ZFYVE19: variants seen among roughly 807,000 people sequenced by gnomAD.
ZFYVE19 encodes abscission/NoCut checkpoint regulator.
ZFYVE19 carries 49 observed loss-of-function variants against 62.8 expected under a neutral mutation model. The observed-to-expected ratio is 0.78, with a 90% CI of 0.62 to 0.99. ZFYVE19 has a LOEUF of 0.99. Among genes scored for constraint, ZFYVE19 ranks in the 50% least tolerant of loss-of-function variants. The pLI is 0.00. For missense variants in ZFYVE19, 630 were observed against 601.9 expected, an observed-to-expected ratio of 1.05 and a Z score of -0.49; for synonymous variants, 242 against 234.3, an observed-to-expected ratio of 1.03 and a Z score of -0.30.
At chr15:40,809,003 C>T (rs1425406669) in intron 1 of ZFYVE19, 116 bp from the exon 2 acceptor site, 5 of 1,495,614 alleles carry the variant, frequency 3.3e-6, no homozygotes, top group Non-Finnish European at 4.5e-6. Context: ...CCTCTTCTTC[C>T]TCCCAGCAGC....
intron 6 of ZFYVE19, 108 bp from the exon 7 acceptor site, chr15:40,812,591 A>AAG (rs78854020): frequency 0.35 from 120,628 of 346,090 alleles, 14,028 homozygotes; most frequent in East Asian, 0.63. Flanking sequence ...GAAAGAAAGA[A>AAG]AAAATTATTA....
Position 40,809,163 on chromosome 15 carries a change from A to G in ZFYVE19, c.324A>G (p.Leu108=). Residue 108 remains leucine (L), a synonymous_variant, in exon 2 of 11, where the codon CTA becomes CTG. Transcript: ENST00000355341. ...GCAGGGCCTTCTGTTCAGGCTGCCT[A>G]AGCTTCAGTGCAGCAGTGCCTCGGA... is the stretch of plus-strand genomic sequence containing the variant. ...NCGRAFCSGC[L]SFSAAVPRTG... 1 of 1,614,160 alleles carries G rather than the reference A, an allele frequency of 6.2e-7. No homozygotes were observed. Among genetic ancestry groups the G allele is most frequent in the Non-Finnish European group, 8.5e-7 (1 of 1,180,026 alleles).
Position 40,814,021 on chromosome 15 carries a change from C to A in ZFYVE19, c.1288C>A (p.Leu430Ile). Residue 430 changes from leucine to isoleucine, a missense_variant, in exon 10 of 11, where the codon CTA becomes ATA. Physicochemically the swap from Leu to Ile is conservative, Grantham distance 5. Transcript: ENST00000355341. ...CTGCATCTGCAATGAGGATGCCACCCTACGCTGCGCTGGCTGCGATGGGGA... is the reference window on the plus strand; with the variant it reads ...CTGCATCTGCAATGAGGATGCCACCATACGCTGCGCTGGCTGCGATGGGGA... Reference protein sequence around the residue: ...WCCICNEDATLRCAGCDGDLF... With the variant: ...WCCICNEDATIRCAGCDGDLF... 1 of 1,614,024 alleles carries A rather than the reference C, an allele frequency of 6.2e-7. No homozygotes were observed. The highest frequency in any genetic ancestry group is 8.5e-7 in the Non-Finnish European group (1 of 1,179,936).
At chr15:40,808,960 T>C in intron 1 of ZFYVE19, 159 bp from the exon 2 acceptor site, 1 of 864,102 alleles carries the variant, frequency 1.2e-6, no homozygotes, top group Non-Finnish European at 1.8e-6. Flanking sequence ...GGAATTGCTT[T>C]ACTCACCATC....
At chr15:40,813,314 T>C (rs1405327392) in intron 7 of ZFYVE19, 24 bp from the exon 8 acceptor site, 2 of 1,610,258 alleles carry the variant, frequency 1.2e-6, no homozygotes, top group Admixed American at 3.3e-5. Context: ...CCCCATCCCC[T>C]GTTCCCATGT....
Position 40,807,807 on chromosome 15 carries a change from G to A in ZFYVE19, c.218G>A (p.Gly73Glu). Residue 73 changes from glycine to glutamate, a missense_variant, in exon 1 of 11, where the codon GGA (glycine) becomes GAA (glutamate). Gly to Glu is a moderately conservative substitution (Grantham distance 98, BLOSUM62 -2). Transcript: ENST00000355341. ...AGCTCTGCAGACCCTGCGGTGCTGGGAGCCACCATGGAGAGTAGGTGCTAC... is the reference window on the plus strand; with the variant it reads ...AGCTCTGCAGACCCTGCGGTGCTGGAAGCCACCATGGAGAGTAGGTGCTAC... ...DLSSADPAVL[G>E]ATMESRCYGC... 1.3e-6 allele frequency: 2 copies of A among 1,554,736 alleles called. No individual in the cohort carries two copies. Among genetic ancestry groups the A allele is most frequent in the African/African-American group, 1.4e-5 (1 of 73,882 alleles).
intron 3 of ZFYVE19, 22 bp from the exon 4 acceptor site, chr15:40,809,830 C>G: frequency 6.2e-7 from 1 of 1,611,522 alleles, no homozygotes; most frequent in Non-Finnish European, 8.5e-7. Context: ...TCTTCAAGAG[C>G]CTCTATCTCA....
chr15:40,810,866 AC>A, intron 6 of ZFYVE19, 109 bp downstream of exon 6: 7 of 1,391,586 alleles, frequency 5.0e-6, no homozygotes, highest in Non-Finnish European at 6.8e-6. Context: ...AGAGTGATCA[AC>A]GTTATAAGAG....
At chr15:40,808,177 C>T in intron 1 of ZFYVE19, 1 of 1,477,278 alleles carries the variant, frequency 6.8e-7, no homozygotes, top group Non-Finnish European at 9.0e-7. Context: ...CTTCTCTCCA[C>T]CCTGCTCCTC....
rs190799376 is a variant in ZFYVE19 at position 40,809,968 on chromosome 15, C to T, written c.569C>T (p.Pro190Leu). Residue 190 changes from proline (P) to leucine (L), a missense_variant and splice_region_variant, in exon 4 of 11, where the codon CCC becomes CTC. Physicochemically the swap from Pro to Leu is moderately conservative, Grantham distance 98. Coordinates refer to ENST00000355341, the MANE Select transcript of ZFYVE19 (RefSeq NM_001077268.2). ...RLARLRQENK[P>L]KLVPSQAEIE... Reference sequence around the variant, plus strand: ...GCACGACTCCGCCAGGAGAACAAGCCCAGTGAGCAGGGGCAGATGGGGTTG... The same window carrying T: ...GCACGACTCCGCCAGGAGAACAAGCTCAGTGAGCAGGGGCAGATGGGGTTG... 2,883 of 1,614,192 alleles carry T rather than the reference C, an allele frequency of 1.8e-3. 6 individuals are homozygous for T. The highest frequency in any genetic ancestry group is 2.3e-3 in the South Asian group (212 of 91,090).
intron 6 of ZFYVE19, among the ~76,000 whole-genome samples, chr15:40,812,134 A>G (rs531702262): frequency 9.8e-5 from 15 of 152,372 alleles, no homozygotes; most frequent in Non-Finnish European, 2.1e-4. Flanking sequence ...GTGGTTGGAA[A>G]AGACATGGGT....
chr15:40,807,746 G>C lies in ZFYVE19; in HGVS notation c.157G>C (p.Gly53Arg). 3.1e-5 allele frequency: 49 copies of C among 1,592,254 alleles called. No individual in the cohort carries two copies. Among genetic ancestry groups the C allele is most frequent in the Non-Finnish European group, 4.2e-5 (49 of 1,172,314 alleles). ...AAGGGAAGGGCGGAGCTGGGGTGAG[G>C]GTCCAAGGGGCCCAGGACTTGGCCG... is the stretch of plus-strand genomic sequence containing the variant. ...QGREGRSWGEGPRGPGLGRRD... is the reference protein window; with the variant it reads ...QGREGRSWGERPRGPGLGRRD... Residue 53 changes from glycine to arginine, a missense_variant, in exon 1 of 11, where the codon GGT becomes CGT. By Grantham distance (125) the Gly-to-Arg change is moderately radical. Coordinates refer to ENST00000355341, the MANE Select transcript of ZFYVE19 (RefSeq NM_001077268.2).
rs777695175 is a variant in ZFYVE19 at position 40,809,251 on chromosome 15, G to A, written c.401+11G>A. 3 of 1,613,806 alleles carry A rather than the reference G, an allele frequency of 1.9e-6. No homozygotes were observed. The African/African-American group carries it at 4.0e-5, about 22-fold the overall frequency. On this transcript the variant is annotated intron_variant, in intron 2 of 10. Transcript: ENST00000355341. ...TGAGGTCCTGACCAGGTAAGAGGCA[G>A]GCATGGGTGAAAGTTCAGCCAAGTA...
At chr15:40,812,654 G>T (rs750150244) in intron 6 of ZFYVE19, 45 bp from the exon 7 acceptor site, 2 of 1,507,264 alleles carry the variant, frequency 1.3e-6, no homozygotes, top group Non-Finnish European at 1.8e-6. Flanking sequence ...TCTGAGGAGA[G>T]ATACTGGGAT....
At chr15:40,810,418 T>C (rs567638380) in intron 5 of ZFYVE19, among the ~76,000 whole-genome samples, 8 of 152,196 alleles carry the variant, frequency 5.3e-5, no homozygotes, top group Non-Finnish European at 1.2e-4. Context: ...CCCTACCTCC[T>C]GATCCTCAGG....
intron 6 of ZFYVE19, chr15:40,811,034 G>A (rs1456979254): frequency 5.3e-6 from 2 of 380,172 alleles, no homozygotes; most frequent in Non-Finnish European, 9.8e-6. Flanking sequence ...TTCCTCATGT[G>A]TAAAATGAAG....
Position 40,814,133 on chromosome 15 carries a change from C to T in ZFYVE19, c.1338-15C>T, listed in dbSNP as rs770957073. The T allele has an allele frequency of 1.9e-6, 3 of 1,614,072 alleles. No homozygotes were observed. In the African/African-American group the frequency reaches 4.0e-5, roughly 22 times the overall value. ...GGCTGCCTGGATCCCTGACTTGTAT[C>T]CCTTTGTTCCACAGAGAGGGCCATG... On this transcript the variant is annotated splice_polypyrimidine_tract_variant and intron_variant, in intron 10 of 10. Coordinates refer to ENST00000355341, the MANE Select transcript of ZFYVE19 (RefSeq NM_001077268.2).
At chr15:40,808,648 T>C (rs527951293) in intron 1 of ZFYVE19, 1 of 376,004 alleles carries the variant, frequency 2.7e-6, no homozygotes, top group South Asian at 2.9e-5. Flanking sequence ...TTGTAAGGAA[T>C]AAATCACATG....
intron 6 of ZFYVE19, 22 bp from the exon 7 acceptor site, chr15:40,812,677 C>T (rs1890532899): frequency 2.5e-6 from 4 of 1,599,684 alleles, no homozygotes; most frequent in Non-Finnish European, 3.4e-6. Context: ...CTCGGCCTTG[C>T]TGATGGCATT....
Sources: gnomAD v4.1 joint callset for allele counts (sites outside exome capture counted in the v4.1 genomes callset) on GRCh38, gnomAD v4.1.1 for gene constraint, MANE v1.5 for transcripts, NCBI Gene and HGNC (gene_info 2026-07-23, HGNC 2026-07-21) for gene names.